Variants in CSNK2A2IP observed in about 807,000 individuals in gnomAD.
CSNK2A2IP encodes casein kinase 2 subunit alpha' interacting protein, also known as casein kinase II subunit alpha'-interacting protein.
At chr3:88,389,017 C>A in the CSNK2A2IP span, among the ~76,000 whole-genome samples, 1 of 151,862 alleles carries the variant, frequency 6.6e-6, no homozygotes, top group African/African-American at 2.4e-5. Context: ...AAACCGTAAA[C>A]CCCAAACCAC....
At chr3:88,432,317 T>G in the CSNK2A2IP span, among the ~76,000 whole-genome samples, 1 of 151,908 alleles carries the variant, frequency 6.6e-6, no homozygotes, top group African/African-American at 2.4e-5. Flanking sequence ...TCAATTGATA[T>G]CTATTTTACT....
chr3:88,431,614 TA>T, the CSNK2A2IP span, among the ~76,000 whole-genome samples: 4 of 152,038 alleles, frequency 2.6e-5, no homozygotes, highest in African/African-American at 9.7e-5. Flanking sequence ...GAAGTAAAAT[TA>T]AAAAAGACTA....
chr3:88,462,103 T>G, the CSNK2A2IP span, among the ~76,000 whole-genome samples: 1 of 116,808 alleles, frequency 8.6e-6, no homozygotes, highest in African/African-American at 2.8e-5. Context: ...ATCATGGAGA[T>G]GAGTTTTTTT....
At chr3:88,362,270 A>T in the CSNK2A2IP span, among the ~76,000 whole-genome samples, 2 of 152,072 alleles carry the variant, frequency 1.3e-5, no homozygotes, top group South Asian at 4.1e-4. Context: ...TTTAATAAAG[A>T]TTGGGGGTTA....
the CSNK2A2IP span, among the ~76,000 whole-genome samples, chr3:88,442,624 C>G: frequency 7.5e-4 from 114 of 152,080 alleles, 1 homozygote; most frequent in African/African-American, 2.5e-3. Flanking sequence ...TCAGAGCAAA[C>G]TTGAGACACA....
the CSNK2A2IP span, chr3:88,465,699 T>C: frequency 8.1e-7 from 1 of 1,231,672 alleles, no homozygotes; most frequent in East Asian, 3.2e-5. Flanking sequence ...TGTGGCCTGC[T>C]CAAAGAGCCC....
chr3:88,466,213 T>A, the CSNK2A2IP span: 13 of 1,231,642 alleles, frequency 1.1e-5, no homozygotes, highest in Non-Finnish European at 1.3e-5. Context: ...TATATTGAAC[T>A]CTAACCCCAC....
the CSNK2A2IP span, among the ~76,000 whole-genome samples, chr3:88,411,465 T>C: frequency 6.6e-6 from 1 of 151,866 alleles, no homozygotes; most frequent in East Asian, 1.9e-4. Context: ...AATAAGATCT[T>C]ATAAGCTTGG....
chr3:88,399,248 A>G, the CSNK2A2IP span, among the ~76,000 whole-genome samples: 2 of 152,194 alleles, frequency 1.3e-5, no homozygotes, highest in Admixed American at 1.3e-4. Context: ...TTTCATTCTT[A>G]GAGCAAAATG....
chr3:88,447,733 A>G, the CSNK2A2IP span, among the ~76,000 whole-genome samples: 1 of 152,082 alleles, frequency 6.6e-6, no homozygotes, highest in Admixed American at 6.6e-5. Flanking sequence ...TCTCGATGAT[A>G]TATTTTTCTT....
the CSNK2A2IP span, among the ~76,000 whole-genome samples, chr3:88,438,255 C>A: frequency 1.3e-5 from 2 of 152,178 alleles, no homozygotes; most frequent in Admixed American, 1.3e-4. Context: ...TGTTGGGGCT[C>A]AAAAGATAAT....
chr3:88,381,056 G>T, the CSNK2A2IP span, among the ~76,000 whole-genome samples: 219 of 152,234 alleles, frequency 1.4e-3, no homozygotes, highest in African/African-American at 5.1e-3. Context: ...CCAGGCTCTT[G>T]CTTATGTTTA....
the CSNK2A2IP span, among the ~76,000 whole-genome samples, chr3:88,440,820 C>T: frequency 6.6e-6 from 1 of 152,070 alleles, no homozygotes; most frequent in Non-Finnish European, 1.5e-5. Flanking sequence ...CTTTCTGTAG[C>T]ATTTTAATAC....
the CSNK2A2IP span, among the ~76,000 whole-genome samples, chr3:88,358,000 C>T: frequency 6.6e-6 from 1 of 152,038 alleles, no homozygotes; most frequent in African/African-American, 2.4e-5. Context: ...ATGCTTGAGC[C>T]ACTGCTCCCA....
the CSNK2A2IP span, among the ~76,000 whole-genome samples, chr3:88,346,239 A>T: frequency 6.6e-6 from 1 of 152,042 alleles, no homozygotes; most frequent in African/African-American, 2.4e-5. Flanking sequence ...TCTCCATAAC[A>T]TGAAAGTGCA....
chr3:88,367,598 CT>C, the CSNK2A2IP span, among the ~76,000 whole-genome samples: 1 of 152,106 alleles, frequency 6.6e-6, no homozygotes, highest in Non-Finnish European at 1.5e-5. Flanking sequence ...GTTTTCAAAA[CT>C]TGCCTTTAAC....
chr3:88,454,705 T>C, the CSNK2A2IP span, among the ~76,000 whole-genome samples: 1 of 151,992 alleles, frequency 6.6e-6, no homozygotes, highest in Non-Finnish European at 1.5e-5. Flanking sequence ...TGTAATATTT[T>C]GATATATGTA....
the CSNK2A2IP span, among the ~76,000 whole-genome samples, chr3:88,428,094 T>A: frequency 6.6e-6 from 1 of 152,184 alleles, no homozygotes. Flanking sequence ...ATCTTTTGCA[T>A]CAGCATTCCC....
At chr3:88,445,944 T>TTCTC in the CSNK2A2IP span, among the ~76,000 whole-genome samples, 1 of 136,828 alleles carries the variant, frequency 7.3e-6, no homozygotes, top group South Asian at 2.5e-4. Flanking sequence ...CTTTCTTTCT[T>TTCTC]TCTCTCTCTC....
Sources: gnomAD v4.1 joint callset for allele counts (sites outside exome capture counted in the v4.1 genomes callset) on GRCh38, gnomAD v4.1.1 for gene constraint, MANE v1.5 for transcripts, NCBI Gene and HGNC (gene_info 2026-07-23, HGNC 2026-07-21) for gene names.